GPC6: variants seen among roughly 807,000 people sequenced by gnomAD.
The protein encoded by GPC6 is glypican 6, also known as glypican-6.
In GPC6, 14 loss-of-function variants were observed where a neutral mutation model predicts 55.2. The ratio of observed to expected loss-of-function variants is 0.25; its 90% confidence interval spans 0.17 to 0.40. GPC6 has a LOEUF of 0.40. Among genes scored for constraint, GPC6 ranks in the 10% least tolerant of loss-of-function variants. The pLI is 1.00. For synonymous variants in GPC6, 278 were observed against 259.6 expected (o/e 1.07, Z -0.68); for missense variants, 641 against 708.5 (o/e 0.90, Z 1.08).
intron 1 of GPC6, among the ~76,000 whole-genome samples, chr13:93,449,124 G>A (rs1878117971): frequency 6.6e-6 from 1 of 152,200 alleles, no homozygotes; most frequent in Non-Finnish European, 1.5e-5. Context: ...AAATATTTGT[G>A]AAATGAGTGA....
At chr13:94,086,929 A>G (rs1469137111) in intron 4 of GPC6, among the ~76,000 whole-genome samples, 3 of 152,210 alleles carry the variant, frequency 2.0e-5, no homozygotes, top group Non-Finnish European at 4.4e-5. Context: ...TTCAGAAGTA[A>G]AACTGGTAGT....
intron 3 of GPC6, among the ~76,000 whole-genome samples, chr13:93,864,477 A>G (rs1888903262): frequency 6.6e-6 from 1 of 151,622 alleles, no homozygotes; most frequent in Non-Finnish European, 1.5e-5. Context: ...GCCTTGTGTC[A>G]TTTCTCTGTA....
At chr13:93,734,427 A>C (rs1025613821) in intron 2 of GPC6, among the ~76,000 whole-genome samples, 2 of 152,170 alleles carry the variant, frequency 1.3e-5, no homozygotes, top group Admixed American at 1.3e-4. Flanking sequence ...CTTGTTCTCC[A>C]ATTTGTCTGG....
chr13:94,358,973 A>G lies in GPC6; in HGVS notation c.1153-23441A>G, dbSNP rs75907231. Among the ~76,000 whole-genome samples, 716 of 152,356 alleles carry G rather than the reference A, an allele frequency of 4.7e-3. 16 individuals carry two copies. In the East Asian group the frequency reaches 0.073, roughly 16 times the overall value. On this transcript the variant is annotated intron_variant, in intron 6 of 8. Transcript: ENST00000377047. ...GGAGTCACCTTTTTGGACCAAAAAA[A>G]GTAAAATCAAGTTCTGGACAAAAGT...
intron 2 of GPC6, among the ~76,000 whole-genome samples, chr13:93,559,571 C>T (rs954690347): frequency 1.3e-5 from 2 of 152,128 alleles, no homozygotes; most frequent in African/African-American, 4.8e-5. Context: ...TCAATTTTTT[C>T]AGATCACTGA....
Position 93,676,164 on chromosome 13 carries a change from TATATACATACAC to T in GPC6, c.319+130745_319+130756del, listed in dbSNP as rs1450565651. The stretch of plus-strand genomic sequence containing the variant: ...ATATATATATATATATATATATATA[TATATACATACAC>T]ACACACACACACACATATATATGTA... On this transcript the variant is annotated intron_variant, in intron 2 of 8. Coordinates refer to ENST00000377047, the MANE Select transcript of GPC6 (RefSeq NM_005708.5). Among the ~76,000 whole-genome samples, 7 of 31,292 alleles carry T rather than the reference TATATACATACAC, an allele frequency of 2.2e-4. 1 individual carries two copies. The highest frequency in any genetic ancestry group is 6.6e-4 in the African/African-American group (7 of 10,674). The allele number at this position is 31,292 out of a possible 152,430, so 20.5% of individuals were successfully genotyped here. A position where few individuals can be genotyped will look rare whatever the true frequency, so the allele number is the denominator to read the frequency against.
At chr13:93,341,704 T>C (rs1566307968) in intron 1 of GPC6, among the ~76,000 whole-genome samples, 1 of 151,944 alleles carries the variant, frequency 6.6e-6, no homozygotes, top group Admixed American at 6.6e-5. Context: ...GCTTTTTTTT[T>C]TTTTCTTTTT....
intron 1 of GPC6, among the ~76,000 whole-genome samples, chr13:93,277,798 T>G (rs1374569447): frequency 6.6e-6 from 1 of 152,188 alleles, no homozygotes; most frequent in Admixed American, 6.5e-5. Flanking sequence ...AGAAGCTGAG[T>G]GCCTAGAACT....
chr13:94,190,022 A>G (rs1023444596), intron 4 of GPC6, among the ~76,000 whole-genome samples: 1 of 147,274 alleles, frequency 6.8e-6, no homozygotes, highest in Admixed American at 6.7e-5. Context: ...CTCTGTCTCA[A>G]AAAAAAAAAA....
At chr13:94,228,985 C>T (rs1182030992) in intron 4 of GPC6, among the ~76,000 whole-genome samples, 2 of 152,110 alleles carry the variant, frequency 1.3e-5, no homozygotes, top group Non-Finnish European at 2.9e-5. Context: ...ATGCTAAAGT[C>T]TAAATATGGT....
chr13:93,626,004 A>AT (rs111733814), intron 2 of GPC6, among the ~76,000 whole-genome samples: 6,347 of 151,752 alleles, frequency 0.042, 445 homozygotes, highest in African/African-American at 0.15. Flanking sequence ...AGAAAGCATG[A>AT]TTTTTTTTTG....
At chr13:93,295,457 T>G (rs1357061602) in intron 1 of GPC6, among the ~76,000 whole-genome samples, 1 of 151,934 alleles carries the variant, frequency 6.6e-6, no homozygotes, top group East Asian at 1.9e-4. Flanking sequence ...TCTCTGTCTG[T>G]CTCTGTGGTT....
intron 1 of GPC6, among the ~76,000 whole-genome samples, chr13:93,248,385 GA>G (rs536561744): frequency 0.024 from 3,145 of 130,030 alleles, 111 homozygotes; most frequent in African/African-American, 0.082. Flanking sequence ...TCTTATGTTT[GA>G]AAAAAAAAAA....
At chr13:94,239,416 T>C (rs1423904328) in intron 4 of GPC6, among the ~76,000 whole-genome samples, 1 of 152,168 alleles carries the variant, frequency 6.6e-6, no homozygotes, top group African/African-American at 2.4e-5. Context: ...ACTGTTTTTC[T>C]GTGACAACTG....
chr13:94,016,808 G>GA (rs1299272492), intron 3 of GPC6, among the ~76,000 whole-genome samples: 1 of 150,862 alleles, frequency 6.6e-6, no homozygotes, highest in African/African-American at 2.4e-5. Context: ...TTATTCCCAG[G>GA]TATTTTTAAG....
chr13:93,633,659 T>G (rs1879572691), intron 2 of GPC6, among the ~76,000 whole-genome samples: 1 of 150,086 alleles, frequency 6.7e-6, no homozygotes, highest in Non-Finnish European at 1.5e-5. Context: ...AATAAATAAA[T>G]AAATAAATAA....
At chr13:94,099,997 G>C (rs1205430216) in intron 4 of GPC6, among the ~76,000 whole-genome samples, 1 of 152,112 alleles carries the variant, frequency 6.6e-6, no homozygotes. Flanking sequence ...GAGCAGGAAA[G>C]ATAGCTATTG....
At chr13:93,940,850 A>C (rs1878700381) in intron 3 of GPC6, among the ~76,000 whole-genome samples, 1 of 152,190 alleles carries the variant, frequency 6.6e-6, no homozygotes, top group South Asian at 2.1e-4. Context: ...ATTTGCTTTA[A>C]AATAATTGTT....
At chr13:93,497,062 A>C (rs1041569085) in intron 1 of GPC6, among the ~76,000 whole-genome samples, 1 of 152,188 alleles carries the variant, frequency 6.6e-6, no homozygotes, top group Non-Finnish European at 1.5e-5. Context: ...AGATGATGAC[A>C]CTGATGCCCT....
Sources: gnomAD v4.1 joint callset for allele counts (sites outside exome capture counted in the v4.1 genomes callset) on GRCh38, gnomAD v4.1.1 for gene constraint, MANE v1.5 for transcripts, NCBI Gene and HGNC (gene_info 2026-07-23, HGNC 2026-07-21) for gene names.